PCDHA5: variants seen among roughly 807,000 people sequenced by gnomAD.
PCDHA5 encodes protocadherin alpha-5.
Under a neutral mutation model 61.6 loss-of-function variants are expected in PCDHA5, and 43 were observed. That is an observed-to-expected ratio of 0.70 (90% CI 0.55 to 0.90). The LOEUF is 0.90. Ranked by LOEUF, PCDHA5 falls within the 40% of genes least tolerant of loss-of-function variation. The pLI is 0.00. For synonymous variants in PCDHA5, 627 were observed against 543.9 expected (o/e 1.15, Z -2.13); for missense variants, 1,298 against 1,222.7 (o/e 1.06, Z -0.92).
rs2150184620 is a variant in PCDHA5 at position 140,830,293 on chromosome 5, G to T, written c.2352+6166G>T. On this transcript the variant is annotated intron_variant, in intron 1 of 3. Transcript: ENST00000529859. ...CACCCACCGAGGGCGCGTGCACGGC[G>T]GACAAGCCCACGCTGGTGTGCTCCA... The T allele has an allele frequency of 1.5e-5, 25 of 1,613,858 alleles. No homozygotes were observed. The South Asian group carries it at 2.7e-4, about 18-fold the overall frequency.
At chr5:140,862,970 C>T (rs1554157323) in intron 1 of PCDHA5, 4 of 545,310 alleles carry the variant, frequency 7.3e-6, no homozygotes, top group South Asian at 5.5e-5. Context: ...GGATGCAGGC[C>T]ACTTGGTGGC....
intron 1 of PCDHA5, chr5:140,849,798 C>G (rs1356253349): frequency 1.3e-6 from 2 of 1,598,416 alleles, no homozygotes; most frequent in African/African-American, 1.3e-5. Context: ...CTCGCCTTCA[C>G]TGTGGGCCAC....
At chr5:140,884,194 G>C in intron 1 of PCDHA5, 1 of 1,613,402 alleles carries the variant, frequency 6.2e-7, no homozygotes, top group Non-Finnish European at 8.5e-7. Flanking sequence ...AGGTGGACGC[G>C]CCGCACCACC....
chr5:140,869,279 T>C, intron 1 of PCDHA5: 1 of 1,613,596 alleles, frequency 6.2e-7, no homozygotes, highest in Non-Finnish European at 8.5e-7. Context: ...CTGGCGGAGC[T>C]GGTGCAGCGC....
rs542536806 is a variant in PCDHA5, at chr5:140,896,054, G to T, written c.2352+71927G>T. Among the ~76,000 whole-genome samples the T allele has an allele frequency of 4.6e-5, 7 of 151,966 alleles. 1 individual carries two copies. In the East Asian group the frequency reaches 1.4e-3, roughly 30 times the overall value. On this transcript the variant is annotated intron_variant, in intron 1 of 3. Transcript: ENST00000529859. ...TCGAACTCCTGACCTCAGGTGATCC[G>T]CCTGCCTCGGCCTCCCAACATGCTG...
chr5:140,861,332 G>A (rs2046864240), intron 1 of PCDHA5: 1 of 247,774 alleles, frequency 4.0e-6, no homozygotes, highest in African/African-American at 2.3e-5. Context: ...CACCATCCTG[G>A]AAGAGGCCAA....
chr5:140,835,829 G>A (rs2150246092), intron 1 of PCDHA5: 8 of 1,612,356 alleles, frequency 5.0e-6, no homozygotes, highest in African/African-American at 1.3e-5. Flanking sequence ...CGGGGGACGC[G>A]GACGCGCAGA....
At chr5:140,998,591 T>A (rs2097823979) in intron 3 of PCDHA5, among the ~76,000 whole-genome samples, 1 of 150,884 alleles carries the variant, frequency 6.6e-6, no homozygotes, top group Non-Finnish European at 1.5e-5. Context: ...TGAGACAGAG[T>A]TTTGCTCTTG....
rs1214693088 is a variant in PCDHA5, at chr5:140,904,196, C to T, written c.2353-74753C>T. Among the ~76,000 whole-genome samples the T allele has an allele frequency of 1.1e-4, 17 of 152,034 alleles. No homozygotes were observed. In the East Asian group the frequency reaches 3.3e-3, roughly 29 times the overall value. On this transcript the variant is annotated intron_variant, in intron 1 of 3. Transcript: ENST00000529859. ...TTCCTCACCCCCTTCCCACCCTTTC[C>T]CCCTAAGTCCCCAAAGTCCATTGTA... is the stretch of plus-strand genomic sequence containing the variant.
Position 140,851,002 on chromosome 5 carries a change from A to T in PCDHA5, c.2352+26875A>T. The stretch of plus-strand genomic sequence containing the variant: ...TTATTCATTTTTCTAGAAATCCAGC[A>T]GATTTTTTTTCTGATAAAGTAAACC... On this transcript the variant is annotated intron_variant, in intron 1 of 3. Coordinates refer to ENST00000529859, the MANE Select transcript of PCDHA5 (RefSeq NM_018908.3). 3 of 1,438,338 alleles carry T rather than the reference A, an allele frequency of 2.1e-6. No homozygotes were observed. In the East Asian group the frequency reaches 7.2e-5, roughly 35 times the overall value. 89.1% of individuals were successfully genotyped at this position (1,438,338 alleles called of 1,614,324 possible).
At chr5:140,988,471 G>A (rs1442408975) in intron 3 of PCDHA5, among the ~76,000 whole-genome samples, 1 of 152,078 alleles carries the variant, frequency 6.6e-6, no homozygotes, top group Non-Finnish European at 1.5e-5. Context: ...TGTGGGAAGG[G>A]GAATTAGCAT....
intron 1 of PCDHA5, chr5:140,843,260 C>T: frequency 6.3e-7 from 1 of 1,596,130 alleles, no homozygotes; most frequent in Non-Finnish European, 8.6e-7. Flanking sequence ...GCGCCACCGT[C>T]TGCTGGTCCT....
At chr5:140,944,241 G>A (rs2093630107) in intron 1 of PCDHA5, among the ~76,000 whole-genome samples, 1 of 152,196 alleles carries the variant, frequency 6.6e-6, no homozygotes, top group African/African-American at 2.4e-5. Context: ...AGGCTGGAGT[G>A]CAGTGATGTG....
At chr5:140,829,934 G>A (rs2150178196) in intron 1 of PCDHA5, 1 of 1,613,996 alleles carries the variant, frequency 6.2e-7, no homozygotes, top group East Asian at 2.2e-5. Context: ...GCAGCCCCCG[G>A]CAAGCAGCGC....
rs145253621 is a variant in PCDHA5, at chr5:140,991,776, T to A, written c.2500+9213T>A. 4.1e-3 allele frequency among the ~76,000 whole-genome samples: 632 copies of A among 152,312 alleles called. 6 individuals carry two copies. Among genetic ancestry groups the A allele is most frequent in the South Asian group, 0.036 (174 of 4,822 alleles). ...CATGCTCTTCAAAATTCTTCTAGACTCTGCCCATTTCCCAATCTCAAGGCC... is the reference window on the plus strand; with the variant it reads ...CATGCTCTTCAAAATTCTTCTAGACACTGCCCATTTCCCAATCTCAAGGCC... On this transcript the variant is annotated intron_variant, in intron 3 of 3. Coordinates refer to ENST00000529859, the MANE Select transcript of PCDHA5 (RefSeq NM_018908.3).
At chr5:140,929,721 ATTTACT>A (rs1474734727) in intron 1 of PCDHA5, 3 of 222,378 alleles carry the variant, frequency 1.3e-5, no homozygotes, top group African/African-American at 4.6e-5. Flanking sequence ...AAGGTGAAAC[ATTTACT>A]TAAACTATTG....
chr5:140,895,670 G>A (rs551602030), intron 1 of PCDHA5, among the ~76,000 whole-genome samples: 2 of 152,132 alleles, frequency 1.3e-5, no homozygotes, highest in African/African-American at 2.4e-5. Context: ...AGAACATGTA[G>A]TATTTGGTTT....
chr5:140,969,585 T>A (rs2096344806), intron 1 of PCDHA5: 1 of 896,450 alleles, frequency 1.1e-6, no homozygotes, highest in Admixed American at 3.0e-5. Flanking sequence ...TGAGGATTAG[T>A]CTTAATATTT....
At chr5:140,850,395 A>G in intron 1 of PCDHA5, 3 of 1,597,894 alleles carry the variant, frequency 1.9e-6, no homozygotes, top group Non-Finnish European at 1.7e-6. Context: ...GATCAGCACA[A>G]CGCGTGCCCT....
Sources: allele counts gnomAD v4.1 joint callset (sites outside exome capture counted in the v4.1 genomes callset), GRCh38; gene constraint gnomAD v4.1.1; transcripts MANE v1.5; gene names NCBI Gene and HGNC (gene_info 2026-07-23, HGNC 2026-07-21).